Variants in DDB2 observed in about 807,000 individuals in gnomAD.
DDB2 encodes damage specific DNA binding protein 2.
DDB2 carries 27 observed loss-of-function variants against 50.5 expected under a neutral mutation model. That is an observed-to-expected ratio of 0.53 (90% confidence interval 0.39 to 0.74). The LOEUF is 0.74. Ranked by LOEUF, DDB2 falls within the 30% of genes least tolerant of loss-of-function variation. DDB2 has a pLI of 0.00. For synonymous variants in DDB2, 176 were observed against 205.5 expected (o/e 0.86, Z 1.23); for missense variants, 424 against 545.6 (o/e 0.78, Z 2.22).
intron 3 of DDB2, among the ~76,000 whole-genome samples, chr11:47,231,805 T>A (rs1048021630): frequency 2.0e-5 from 3 of 152,040 alleles, no homozygotes; most frequent in African/African-American, 7.2e-5. Flanking sequence ...CTGTGCTCGG[T>A]CTATAGGACA....
At chr11:47,235,514 C>T (rs1953713809) in intron 7 of DDB2, 102 bp downstream of exon 7, 2 of 1,294,098 alleles carry the variant, frequency 1.5e-6, no homozygotes, top group Non-Finnish European at 2.2e-6. Flanking sequence ...AGCCTGCCAC[C>T]CCAGATCGCT....
rs1953382534 is a variant in DDB2 at position 47,215,168 on chromosome 11, A to G, written c.32A>G (p.Lys11Arg). The change falls in exon 1 of 10, where the codon AAG (lysine) becomes AGG (arginine). Residue 11 changes from lysine (K) to arginine (R), a missense_variant. Coordinates refer to ENST00000256996, the MANE Select transcript of DDB2 (RefSeq NM_000107.3). Reference sequence around the variant, plus strand: ...CCCAAGAAACGCCCAGAAACCCAGAAGACCTCCGAGATTGTATTACGCCCC... The same window carrying G: ...CCCAAGAAACGCCCAGAAACCCAGAGGACCTCCGAGATTGTATTACGCCCC... MAPKKRPETQ[K>R]TSEIVLRPRN... 6.2e-7 allele frequency: 1 copy of G among 1,614,004 alleles called. No individual in the cohort carries two copies. The highest frequency in any genetic ancestry group is 1.1e-5 in the South Asian group (1 of 91,062).
intron 3 of DDB2, among the ~76,000 whole-genome samples, chr11:47,223,862 T>G (rs1953521055): frequency 6.6e-6 from 1 of 152,146 alleles, no homozygotes; most frequent in Admixed American, 6.5e-5. Flanking sequence ...CTCAACACTT[T>G]GAGAGGCTGA....
chr11:47,229,818 C>CTTTTTTTTT (rs11376360), intron 3 of DDB2: 68 of 329,606 alleles, frequency 2.1e-4, no homozygotes, highest in East Asian at 4.4e-4. Flanking sequence ...GATGGCTCTT[C>CTTTTTTTTT]TTTTTTTTTT....
intron 9 of DDB2, 135 bp downstream of exon 9, chr11:47,238,318 G>A: frequency 3.7e-6 from 3 of 817,850 alleles, no homozygotes; most frequent in African/African-American, 1.7e-5. Flanking sequence ...CTGGGAGACA[G>A]TGGTCTCTAT....
At chr11:47,221,334 T>TGAG (rs1953481990) in intron 3 of DDB2, among the ~76,000 whole-genome samples, 1 of 151,078 alleles carries the variant, frequency 6.6e-6, no homozygotes, top group Non-Finnish European at 1.5e-5. Context: ...AGTGCAGTGG[T>TGAG]GCGATCTCAC....
chr11:47,216,154 C>G, intron 1 of DDB2, 182 bp from the exon 2 acceptor site: 1 of 915,566 alleles, frequency 1.1e-6, no homozygotes, highest in Non-Finnish European at 1.8e-6. Flanking sequence ...GGGAAGGGGC[C>G]AAATCCTCAC....
In DDB2 at chr11:47,231,673, C is replaced by T. The variant is rs998433834; in HGVS notation, c.457-1141C>T. Among the ~76,000 whole-genome samples the T allele has an allele frequency of 2.0e-5, 3 of 152,092 alleles. No homozygotes were observed. The East Asian group carries it at 5.8e-4, about 29-fold the overall frequency. On this transcript the variant is annotated intron_variant, in intron 3 of 9. Transcript: ENST00000256996. Reference sequence around the variant, plus strand: ...GAGTAGCTAGAACCACATGCACCTACCACCATGTCTAAATTTTTTTTGTGT... The same window carrying T: ...GAGTAGCTAGAACCACATGCACCTATCACCATGTCTAAATTTTTTTTGTGT...
At chr11:47,237,727 A>C in intron 7 of DDB2, 110 bp from the exon 8 acceptor site, 1 of 1,162,400 alleles carries the variant, frequency 8.6e-7, no homozygotes, top group Non-Finnish European at 1.3e-6. Context: ...GAGCCACTGC[A>C]CTCAGCCCAA....
At chr11:47,223,775 C>T (rs897003481) in intron 3 of DDB2, among the ~76,000 whole-genome samples, 3 of 150,174 alleles carry the variant, frequency 2.0e-5, no homozygotes, top group African/African-American at 7.4e-5. Flanking sequence ...AGCAAGACTC[C>T]GTCTAAAATA....
chr11:47,238,106 C>T (rs1953766084), intron 8 of DDB2, 32 bp from the exon 9 acceptor site: 7 of 1,612,046 alleles, frequency 4.3e-6, no homozygotes, highest in African/African-American at 1.3e-5. Flanking sequence ...TACCTTCACC[C>T]TCTCCTCATG....
intron 3 of DDB2, among the ~76,000 whole-genome samples, chr11:47,218,134 C>T (rs1396129063): frequency 1.3e-5 from 2 of 152,180 alleles, no homozygotes; most frequent in Non-Finnish European, 2.9e-5. Context: ...TTACTCATAA[C>T]GTAGATCCCA....
intron 3 of DDB2, among the ~76,000 whole-genome samples, chr11:47,226,462 C>T (rs541976817): frequency 2.0e-5 from 3 of 151,848 alleles, no homozygotes; most frequent in Non-Finnish European, 4.4e-5. Flanking sequence ...TCAGTAGAGA[C>T]GGGTTTTGCC....
In DDB2 at chr11:47,238,198, A is replaced by T; in HGVS notation, c.1234+15A>T. On this transcript the variant is annotated intron_variant, in intron 9 of 9. Transcript: ENST00000256996. ...CTCTGCAATGGGTGAGTAGGAGGAG[A>T]ATGTCTCTGACTTGCCAAGTCCGAT... 2 of 1,604,502 alleles carry T rather than the reference A, an allele frequency of 1.2e-6. No homozygotes were observed. The highest frequency in any genetic ancestry group is 2.2e-5 in the South Asian group (2 of 89,316).
At chr11:47,238,243 T>C in intron 9 of DDB2, 60 bp downstream of exon 9, 1 of 1,485,346 alleles carries the variant, frequency 6.7e-7, no homozygotes, top group Non-Finnish European at 9.2e-7. Context: ...CAAGGTTCAG[T>C]GCGGGCCAGC....
rs775289096 is a variant in DDB2, at chr11:47,235,265, G to C, written c.881-5G>C. The C allele has an allele frequency of 6.2e-7, 1 of 1,614,158 alleles. No individual in the cohort carries two copies. The highest frequency in any genetic ancestry group is 1.1e-5 in the South Asian group (1 of 91,082). Reference sequence around the variant, plus strand: ...CTTCAGCTCAGGGGCTTTTCACTTTGCCAGCTTGTTTCAGTCCCGATGGAG... The same window carrying C: ...CTTCAGCTCAGGGGCTTTTCACTTTCCCAGCTTGTTTCAGTCCCGATGGAG... On this transcript the variant is annotated splice_region_variant and splice_polypyrimidine_tract_variant and intron_variant, in intron 6 of 9. Transcript: ENST00000256996.
At chr11:47,227,129 G>C (rs564300982) in intron 3 of DDB2, among the ~76,000 whole-genome samples, 78 of 65,898 alleles carry the variant, frequency 1.2e-3, no homozygotes, top group African/African-American at 4.7e-3. Flanking sequence ...TTTTTGAGAT[G>C]GAGTTTTGCT....
chr11:47,234,035 C>G (rs577926324), intron 4 of DDB2, among the ~76,000 whole-genome samples: 5 of 152,254 alleles, frequency 3.3e-5, no homozygotes, highest in Admixed American at 6.5e-5. Flanking sequence ...TAGCAGGATC[C>G]CTGAAGCACC....
chr11:47,233,240 G>A (rs1028737987), intron 4 of DDB2: 1 of 479,286 alleles, frequency 2.1e-6, no homozygotes, highest in Non-Finnish European at 3.8e-6. Context: ...AGCCAGCATG[G>A]CGTGGACCCA....
Sources: gnomAD v4.1 joint callset for allele counts (sites outside exome capture counted in the v4.1 genomes callset) on GRCh38, gnomAD v4.1.1 for gene constraint, MANE v1.5 for transcripts, NCBI Gene and HGNC (gene_info 2026-07-23, HGNC 2026-07-21) for gene names.